ANKRD44: variants seen among roughly 807,000 people sequenced by gnomAD.
ANKRD44 encodes the protein ankyrin repeat domain 44, also known as serine/threonine-protein phosphatase 6 regulatory ankyrin repeat subunit B.
ANKRD44 carries 35 observed loss-of-function variants against 116.0 expected under a neutral mutation model. The observed-to-expected ratio is 0.30, with a 90% confidence interval of 0.23 to 0.40. The LOEUF (loss-of-function observed/expected upper bound fraction) is 0.40. Among genes scored for constraint, ANKRD44 ranks in the 10% least tolerant of loss-of-function variants. ANKRD44 has a pLI of 1.00. For missense variants in ANKRD44, 1,014 were observed against 1,242.6 expected, an observed-to-expected ratio of 0.82 and a Z score of 2.77; for synonymous variants, 435 against 461.8, an observed-to-expected ratio of 0.94 and a Z score of 0.74.
At chr2:197,033,389 C>T (rs1349081692) in intron 16 of ANKRD44, among the ~76,000 whole-genome samples, 3 of 151,968 alleles carry the variant, frequency 2.0e-5, no homozygotes, top group Non-Finnish European at 2.9e-5. Context: ...TGATAAAAGC[C>T]GAAAGTTAGT....
At chr2:197,189,340 T>C (rs1230135460) in intron 1 of ANKRD44, among the ~76,000 whole-genome samples, 1 of 152,194 alleles carries the variant, frequency 6.6e-6, no homozygotes, top group South Asian at 2.1e-4. Flanking sequence ...ACAAGGTGTA[T>C]GGATAGTTTC....
At chr2:197,036,779 T>C (rs189845598) in intron 16 of ANKRD44, among the ~76,000 whole-genome samples, 57 of 152,310 alleles carry the variant, frequency 3.7e-4, no homozygotes, top group African/African-American at 1.2e-3. Flanking sequence ...ACATGCAAAA[T>C]GCATGGTATT....
intron 2 of ANKRD44, among the ~76,000 whole-genome samples, chr2:197,175,083 TA>T (rs1559125004): frequency 6.6e-6 from 1 of 152,192 alleles, no homozygotes; most frequent in South Asian, 2.1e-4. Flanking sequence ...ATTTTCATAA[TA>T]AAAAAAGATT....
intron 19 of ANKRD44, among the ~76,000 whole-genome samples, chr2:197,008,581 T>G (rs11674592): frequency 6.6e-6 from 1 of 152,172 alleles, no homozygotes; most frequent in African/African-American, 2.4e-5. Context: ...ATAATAGAGA[T>G]AACCTCATGA....
In ANKRD44 at chr2:197,310,110, G is replaced by A. The variant is rs377255615; in HGVS notation, c.27+468C>T. Among the ~76,000 whole-genome samples the A allele has an allele frequency of 8.8e-4, 134 of 152,312 alleles. 4 individuals carry two copies. The South Asian group carries it at 0.021, about 24-fold the overall frequency. On this transcript the variant is annotated intron_variant, in intron 1 of 27. Coordinates refer to ENST00000282272, the MANE Select transcript of ANKRD44 (RefSeq NM_001195144.2). Reference sequence around the variant, plus strand: ...TCCAACGGATAAATAAAGACAGCCCGGCCACACAAGAGCCGCATTCTGGGC... The same window carrying A: ...TCCAACGGATAAATAAAGACAGCCCAGCCACACAAGAGCCGCATTCTGGGC...
At chr2:197,029,594 C>A in intron 16 of ANKRD44, 1 of 439,160 alleles carries the variant, frequency 2.3e-6, no homozygotes, top group South Asian at 1.7e-5. Context: ...GTTCAGTTTT[C>A]TTACATTAAA....
At chr2:197,112,196 T>TA (rs2078596719) in intron 8 of ANKRD44, among the ~76,000 whole-genome samples, 1 of 152,228 alleles carries the variant, frequency 6.6e-6, no homozygotes, top group African/African-American at 2.4e-5. Flanking sequence ...ATGTAACACT[T>TA]ATTTTTATAA....
chr2:197,096,281 G>C (rs955758536), intron 10 of ANKRD44, among the ~76,000 whole-genome samples: 2 of 152,116 alleles, frequency 1.3e-5, no homozygotes, highest in Non-Finnish European at 2.9e-5. Flanking sequence ...GTACCACTTA[G>C]GCCCTCAACC....
intron 1 of ANKRD44, among the ~76,000 whole-genome samples, chr2:197,278,418 G>A (rs2083157893): frequency 1.3e-5 from 2 of 151,994 alleles, no homozygotes; most frequent in South Asian, 4.1e-4. Flanking sequence ...GTGCAGTGGT[G>A]TGATCTCGGC....
At position 197,120,605 on chromosome 2, in the gene ANKRD44, C is replaced by T. The variant is rs936619881; in HGVS notation, c.906+727G>A. Among the ~76,000 whole-genome samples, 113 of 151,978 alleles carry T rather than the reference C, an allele frequency of 7.4e-4. 1 individual carries two copies. Among genetic ancestry groups the T allele is most frequent in the African/African-American group, 2.5e-3 (105 of 41,438 alleles). ...GGCAGAGGTTGCAGTAAGCTGAGAT[C>T]ACGCCATTGCATTCCAGCCTGGGTG... On this transcript the variant is annotated intron_variant, in intron 8 of 27. Coordinates refer to ENST00000282272, the MANE Select transcript of ANKRD44 (RefSeq NM_001195144.2).
Position 196,998,645 on chromosome 2 carries a change from T to C in ANKRD44, c.2666-226A>G, listed in dbSNP as rs113077161. 3.1e-3 allele frequency among the ~76,000 whole-genome samples: 471 copies of C among 152,316 alleles called. 2 individuals are homozygous for C. Among genetic ancestry groups the C allele is most frequent in the African/African-American group, 0.011 (444 of 41,576 alleles). On this transcript the variant is annotated intron_variant, in intron 24 of 27. Coordinates refer to ENST00000282272, the MANE Select transcript of ANKRD44 (RefSeq NM_001195144.2). ...TGCTTTTACAGTTCATTATTCCCAG[T>C]TAAAATGATTCTGTTGTTACACTTG...
chr2:197,125,051 TTTC>T (rs2078944470), intron 6 of ANKRD44, among the ~76,000 whole-genome samples: 2 of 152,366 alleles, frequency 1.3e-5, no homozygotes, highest in African/African-American at 4.8e-5. Context: ...GCCAGTGCTC[TTTC>T]TTTTTAAAAC....
intron 1 of ANKRD44, among the ~76,000 whole-genome samples, chr2:197,298,944 T>C (rs2083810828): frequency 1.3e-5 from 2 of 151,362 alleles, no homozygotes; most frequent in African/African-American, 2.4e-5. Context: ...AGAGAGAAAA[T>C]GCTAGAGTTT....
chr2:197,003,395 G>A (rs1559409199), intron 21 of ANKRD44, among the ~76,000 whole-genome samples: 1 of 152,108 alleles, frequency 6.6e-6, no homozygotes. Context: ...AATAGTCCCA[G>A]ACACCTCAAG....
chr2:197,125,391 T>C lies in ANKRD44; in HGVS notation c.540A>G (p.Ala180=), dbSNP rs377650236. 8 of 1,614,196 alleles carry C rather than the reference T, an allele frequency of 5.0e-6. No homozygotes were observed. In the African/African-American group the frequency reaches 9.3e-5, roughly 19 times the overall value. Residue 180 remains alanine, a synonymous_variant, in exon 6 of 28, where the codon GCA becomes GCG. Transcript: ENST00000282272. The part of the protein sequence containing the change: ...DKKDRRALHW[A]AYMGHLDVVA... ...GCATGGAATCCTTACCCATGTATGC[T>C]GCCCAGTGCAGAGCACGCCGGTCCT...
intron 2 of ANKRD44, among the ~76,000 whole-genome samples, chr2:197,169,398 T>C (rs2080172854): frequency 6.6e-6 from 1 of 152,156 alleles, no homozygotes; most frequent in Admixed American, 6.5e-5. Context: ...ACTTCCTTTC[T>C]CTCCAATACA....
chr2:197,140,322 T>C (rs951846012), intron 3 of ANKRD44, among the ~76,000 whole-genome samples: 22 of 152,076 alleles, frequency 1.4e-4, no homozygotes, highest in Non-Finnish European at 2.9e-4. Flanking sequence ...CATTAAAATA[T>C]ATTGTTTAAA....
At chr2:197,192,131 A>G (rs1487094837) in intron 1 of ANKRD44, among the ~76,000 whole-genome samples, 1 of 152,106 alleles carries the variant, frequency 6.6e-6, no homozygotes, top group Non-Finnish European at 1.5e-5. Flanking sequence ...CACCATTTTG[A>G]TTTTTGCTAA....
chr2:197,047,329 T>G (rs945034348), intron 16 of ANKRD44, among the ~76,000 whole-genome samples: 5 of 152,174 alleles, frequency 3.3e-5, no homozygotes, highest in African/African-American at 1.2e-4. Context: ...CCAGAATTAC[T>G]ATTTTAAGAT....
Sources: allele counts gnomAD v4.1 joint callset (sites outside exome capture counted in the v4.1 genomes callset), GRCh38; gene constraint gnomAD v4.1.1; transcripts MANE v1.5; gene names NCBI Gene and HGNC (gene_info 2026-07-23, HGNC 2026-07-21).